ZBTB20: variants seen among roughly 807,000 people sequenced by gnomAD.
ZBTB20 encodes the protein zinc finger and BTB domain-containing protein 20.
ZBTB20 carries 9 observed loss-of-function variants against 56.9 expected under a neutral mutation model. The ratio of observed to expected loss-of-function variants is 0.16; its 90% CI spans 0.10 to 0.28. The LOEUF (loss-of-function observed/expected upper bound fraction) is 0.28. ZBTB20 is among the 10% of genes least tolerant of loss of function. ZBTB20 has a pLI of 1.00. For missense variants in ZBTB20, 655 were observed against 1,003.0 expected, an observed-to-expected ratio of 0.65 and a Z score of 4.69; for synonymous variants, 417 against 420.7, an observed-to-expected ratio of 0.99 and a Z score of 0.11.
chr3:114,906,162 A>T (rs879323414), intron 3 of ZBTB20, among the ~76,000 whole-genome samples: 8 of 151,872 alleles, frequency 5.3e-5, no homozygotes, highest in Non-Finnish European at 1.0e-4. Context: ...TCAACACTTA[A>T]TAAGTATTTG....
chr3:115,120,098 G>A (rs2084140516), intron 1 of ZBTB20, among the ~76,000 whole-genome samples: 1 of 152,064 alleles, frequency 6.6e-6, no homozygotes, highest in Non-Finnish European at 1.5e-5. Flanking sequence ...TCTTATAATG[G>A]TGGGTACATA....
At chr3:114,910,156 A>C (rs1227534306) in intron 3 of ZBTB20, among the ~76,000 whole-genome samples, 1 of 152,000 alleles carries the variant, frequency 6.6e-6, no homozygotes, top group Non-Finnish European at 1.5e-5. Flanking sequence ...TTAAATGTTC[A>C]AGTTATTTTA....
At chr3:114,864,235 G>T (rs2075664129) in intron 4 of ZBTB20, among the ~76,000 whole-genome samples, 1 of 151,964 alleles carries the variant, frequency 6.6e-6, no homozygotes, top group Admixed American at 6.6e-5. Flanking sequence ...CAGGAATTCT[G>T]CTACCAATCT....
At chr3:114,425,085 T>A (rs539135684) in intron 7 of ZBTB20, among the ~76,000 whole-genome samples, 2 of 152,330 alleles carry the variant, frequency 1.3e-5, no homozygotes, top group South Asian at 4.1e-4. Flanking sequence ...GTGATTCTGA[T>A]ACTTAGTAGG....
chr3:114,681,026 T>C (rs1186087681), intron 6 of ZBTB20, among the ~76,000 whole-genome samples: 1 of 152,184 alleles, frequency 6.6e-6, no homozygotes, highest in South Asian at 2.1e-4. Context: ...CAGACTAACA[T>C]TTACAAAGCT....
intron 4 of ZBTB20, among the ~76,000 whole-genome samples, chr3:114,866,282 G>T (rs1047223860): frequency 5.3e-5 from 8 of 152,196 alleles, no homozygotes; most frequent in African/African-American, 1.7e-4. Context: ...TAGAGATGAA[G>T]AAACTAAGGT....
intron 7 of ZBTB20, among the ~76,000 whole-genome samples, chr3:114,407,005 A>C (rs879675782): frequency 6.6e-6 from 1 of 152,114 alleles, no homozygotes; most frequent in Non-Finnish European, 1.5e-5. Flanking sequence ...CCTGTTTTAC[A>C]GGAATACACT....
intron 2 of ZBTB20, among the ~76,000 whole-genome samples, chr3:115,063,393 T>C (rs1286554784): frequency 1.3e-5 from 2 of 152,138 alleles, no homozygotes; most frequent in Non-Finnish European, 2.9e-5. Context: ...GGTTTGCATA[T>C]AGTAGTCTTC....
chr3:114,862,311 A>AT (rs148398391), intron 4 of ZBTB20, among the ~76,000 whole-genome samples: 1 of 151,968 alleles, frequency 6.6e-6, no homozygotes, highest in Admixed American at 6.6e-5. Context: ...ACGGTAAATA[A>AT]TTTTTTTTAA....
Position 114,337,777 on chromosome 3 carries a change from T to C in ZBTB20, c.*1228A>G, listed in dbSNP as rs2079509624. The C allele has an allele frequency of 6.6e-6, 1 of 152,144 alleles. No homozygotes were observed. Among genetic ancestry groups the C allele is most frequent in the Admixed American group, 6.5e-5 (1 of 15,274 alleles). The allele number at this position is 152,144 out of a possible 1,614,324, so 9.4% of individuals were successfully genotyped here. On this transcript the variant is annotated 3_prime_UTR_variant, in exon 12 of 12. Coordinates refer to ENST00000675478, the MANE Select transcript of ZBTB20 (RefSeq NM_001348800.3). ...TTTTATTCTTTCTATCTGGAAGCAG[T>C]ATCGCTAACCTTAACAGTCTTGACT...
At position 114,339,050 on chromosome 3, in the gene ZBTB20, G is replaced by A. The variant is rs539937857; in HGVS notation, c.2181C>T (p.Ile727=). The A allele has an allele frequency of 7.1e-6, 11 of 1,543,988 alleles. No homozygotes were observed. The East Asian group carries it at 1.8e-4, about 25-fold the overall frequency. ...CSVCPAKFDQ[I]EQFNDHMRMH... is the part of the protein sequence containing the mutation. ...TCCTCATGTGGTCGTTGAACTGCTCGATTTGGTCAAACTTTGCTGGGCAGA... is the reference window on the plus strand; with the variant it reads ...TCCTCATGTGGTCGTTGAACTGCTCAATTTGGTCAAACTTTGCTGGGCAGA... The change falls in exon 12 of 12, where the codon ATC becomes ATT. Residue 727 remains isoleucine (I), a synonymous_variant. Coordinates refer to ENST00000675478, the MANE Select transcript of ZBTB20 (RefSeq NM_001348800.3). This position sits in a 1 kb window ranked among gnomAD's most constrained non-coding sequence, Gnocchi z 4.2.
rs2079130688 is a variant in ZBTB20, at chr3:114,328,475, T to C, written c.*10530A>G. The C allele has an allele frequency of 6.6e-6, 1 of 152,096 alleles. No homozygotes were observed. Among genetic ancestry groups the C allele is most frequent in the Non-Finnish European group, 1.5e-5 (1 of 68,028 alleles). 9.4% of individuals were successfully genotyped at this position (152,096 alleles called of 1,614,324 possible). On this transcript the variant is annotated 3_prime_UTR_variant, in exon 12 of 12. Coordinates refer to ENST00000675478, the MANE Select transcript of ZBTB20 (RefSeq NM_001348800.3). ...TTCTCCGTCAAAAGTGATTTACTCA[T>C]ATGAAGAACCTGAACACTGTGGTAT...
chr3:114,476,415 A>G (rs2040772986), intron 7 of ZBTB20, among the ~76,000 whole-genome samples: 1 of 152,214 alleles, frequency 6.6e-6, no homozygotes, highest in Non-Finnish European at 1.5e-5. Flanking sequence ...GTCTTAATTC[A>G]TTTGTGTTGC....
chr3:114,815,866 A>G (rs2072878171), intron 4 of ZBTB20, among the ~76,000 whole-genome samples: 5 of 152,230 alleles, frequency 3.3e-5, no homozygotes, highest in Admixed American at 3.3e-4. Context: ...CAAAAATTTC[A>G]TATCAATGCC....
At chr3:114,851,084 T>C (rs2074978500) in intron 4 of ZBTB20, among the ~76,000 whole-genome samples, 1 of 152,134 alleles carries the variant, frequency 6.6e-6, no homozygotes, top group Non-Finnish European at 1.5e-5. Flanking sequence ...AAGAAATCTG[T>C]GTGAGGGATG....
chr3:114,732,048 C>T (rs1182708624), intron 5 of ZBTB20, among the ~76,000 whole-genome samples: 1 of 152,156 alleles, frequency 6.6e-6, no homozygotes, highest in Non-Finnish European at 1.5e-5. Context: ...ATTCTATTGT[C>T]TAGCAAGCAC....
chr3:114,504,704 G>A (rs2044392560), intron 6 of ZBTB20, among the ~76,000 whole-genome samples: 1 of 152,150 alleles, frequency 6.6e-6, no homozygotes, highest in Admixed American at 6.5e-5. Context: ...GCAATGTCCT[G>A]GCAGGCACCC....
At chr3:114,369,501 T>A (rs2082769645) in intron 10 of ZBTB20, among the ~76,000 whole-genome samples, 1 of 152,238 alleles carries the variant, frequency 6.6e-6, no homozygotes, top group East Asian at 1.9e-4. Context: ...AATCTCCTTA[T>A]TTAGTTTTAC....
At chr3:114,710,819 T>G (rs1359954475) in intron 5 of ZBTB20, among the ~76,000 whole-genome samples, 1 of 152,148 alleles carries the variant, frequency 6.6e-6, no homozygotes. Flanking sequence ...CATACATGCT[T>G]AAAAAAATCC....
Sources: allele counts gnomAD v4.1 joint callset (sites outside exome capture counted in the v4.1 genomes callset), GRCh38; gene constraint gnomAD v4.1.1; non-coding constraint Gnocchi (gnomAD v3.1); transcripts MANE v1.5; gene names NCBI Gene and HGNC (gene_info 2026-07-23, HGNC 2026-07-21).